The following TMEM132C variants were observed in gnomAD, a reference collection of about 807,000 sequenced individuals.
TMEM132C encodes the protein transmembrane protein 132C.
Under a neutral mutation model 61.4 loss-of-function variants are expected in TMEM132C, and 29 were observed. The ratio of observed to expected loss-of-function variants is 0.47; its 90% CI spans 0.35 to 0.64. TMEM132C has a LOEUF of 0.64. Among genes scored for constraint, TMEM132C ranks in the 30% least tolerant of loss-of-function variants. TMEM132C has a pLI of 0.00. For synonymous variants in TMEM132C, 656 were observed against 633.1 expected (o/e 1.04, Z -0.54); for missense variants, 1,408 against 1,476.9 (o/e 0.95, Z 0.76).
chr12:128,619,461 C>T (rs932056211), intron 4 of TMEM132C, among the ~76,000 whole-genome samples: 1 of 152,224 alleles, frequency 6.6e-6, no homozygotes. Flanking sequence ...ACCCTGCAGG[C>T]GGAAGCCACC....
At position 128,707,706 on chromosome 12, in the gene TMEM132C, C is replaced by G. The variant is rs975885904; in HGVS notation, c.*1411C>G. ...AGCCCTCATGCTCTCCGCAGGGGGG[C>G]GCTCACAAAGATGCCAGGGGTGTTT... On this transcript the variant is annotated 3_prime_UTR_variant, in exon 9 of 9. Transcript: ENST00000435159. 6.6e-6 allele frequency: 1 copy of G among 152,138 alleles called. No homozygotes were observed. 9.4% of individuals were successfully genotyped at this position (152,138 alleles called of 1,614,324 possible). A position where few individuals can be genotyped will look rare whatever the true frequency, so the allele number is the denominator to read the frequency against.
rs1565905372 is a variant in TMEM132C, at chr12:128,338,778, T to TATATATATATATATATATA, written c.85+71291_85+71292insATATATATATATATATATA. On this transcript the variant is annotated intron_variant, in intron 1 of 8. Coordinates refer to ENST00000435159, the MANE Select transcript of TMEM132C (RefSeq NM_001136103.3). ...CAGAAATATATATATATATATATAT[T>TATATATATATATATATATA]TTGCACAAAGATGAAATCCGTCCTA... Among the ~76,000 whole-genome samples, 49 of 129,492 alleles carry TATATATATATATATATATA rather than the reference T, an allele frequency of 3.8e-4. 1 individual carries two copies. The highest frequency in any genetic ancestry group is 2.0e-3 in the African/African-American group (48 of 23,994). 85.0% of individuals were successfully genotyped at this position (129,492 alleles called of 152,430 possible).
chr12:128,674,844 C>G (rs1313369330), intron 5 of TMEM132C, among the ~76,000 whole-genome samples: 1 of 151,900 alleles, frequency 6.6e-6, no homozygotes, highest in Non-Finnish European at 1.5e-5. Context: ...AAAATTCCCC[C>G]CAAGGCCCCA....
chr12:128,655,208 G>C (rs750861866), intron 4 of TMEM132C, among the ~76,000 whole-genome samples: 1 of 152,172 alleles, frequency 6.6e-6, no homozygotes, highest in Non-Finnish European at 1.5e-5. Flanking sequence ...GCAAGCCGGC[G>C]GTAACAGGGT....
At chr12:128,484,793 T>C (rs1871432450) in intron 2 of TMEM132C, among the ~76,000 whole-genome samples, 1 of 151,918 alleles carries the variant, frequency 6.6e-6, no homozygotes, top group Non-Finnish European at 1.5e-5. Flanking sequence ...TCCACCTCTA[T>C]ATAAAATTTT....
intron 1 of TMEM132C, among the ~76,000 whole-genome samples, chr12:128,306,463 A>G (rs983615422): frequency 2.8e-4 from 42 of 152,148 alleles, no homozygotes; most frequent in Admixed American, 2.0e-3. Context: ...CGGCCTCCCA[A>G]AGTGCTGGGA....
intron 1 of TMEM132C, among the ~76,000 whole-genome samples, chr12:128,361,455 C>T (rs1390319192): frequency 6.6e-6 from 1 of 152,068 alleles, no homozygotes; most frequent in East Asian, 1.9e-4. Context: ...TGACCCTTGC[C>T]ATCACATTAG....
chr12:128,357,692 C>G (rs1221881232), intron 1 of TMEM132C, among the ~76,000 whole-genome samples: 1 of 71,310 alleles, frequency 1.4e-5, no homozygotes, highest in South Asian at 4.8e-4. Flanking sequence ...GACTCCGTCT[C>G]AAAAAAAAAA....
At chr12:128,470,034 A>T (rs1870894936) in intron 2 of TMEM132C, among the ~76,000 whole-genome samples, 1 of 152,180 alleles carries the variant, frequency 6.6e-6, no homozygotes, top group Non-Finnish European at 1.5e-5. Flanking sequence ...ATGACTTACA[A>T]AAGACTTCAT....
intron 1 of TMEM132C, among the ~76,000 whole-genome samples, chr12:128,374,890 C>T (rs1411581420): frequency 6.8e-6 from 1 of 147,030 alleles, no homozygotes; most frequent in East Asian, 2.0e-4. Flanking sequence ...CACTGCACTC[C>T]AGCCTGGGCG....
chr12:128,412,813 A>G (rs1476844270), intron 1 of TMEM132C, among the ~76,000 whole-genome samples: 1 of 152,210 alleles, frequency 6.6e-6, no homozygotes, highest in Non-Finnish European at 1.5e-5. Context: ...AGAAGTTAGT[A>G]TACTCAGCCT....
intron 5 of TMEM132C, among the ~76,000 whole-genome samples, chr12:128,672,131 C>CT (rs1038754040): frequency 6.6e-6 from 1 of 151,548 alleles, no homozygotes. Context: ...AAATATTTTA[C>CT]TTTTTTTTAC....
chr12:128,300,229 C>T (rs890658511), intron 1 of TMEM132C, among the ~76,000 whole-genome samples: 4 of 152,078 alleles, frequency 2.6e-5, no homozygotes, highest in Non-Finnish European at 4.4e-5. Context: ...AAAGAGAAAC[C>T]GCTGTGATGA....
At chr12:128,599,444 G>A (rs1876089514) in intron 3 of TMEM132C, among the ~76,000 whole-genome samples, 1 of 152,192 alleles carries the variant, frequency 6.6e-6, no homozygotes, top group African/African-American at 2.4e-5. Context: ...TGATGGCCAG[G>A]GCACCTGGGC....
chr12:128,675,850 TAGA>T (rs1954579389), intron 5 of TMEM132C, among the ~76,000 whole-genome samples: 4 of 127,186 alleles, frequency 3.1e-5, no homozygotes, highest in African/African-American at 1.5e-4. Flanking sequence ...GATAGATAGA[TAGA>T]TAGATAGATA....
chr12:128,589,927 A>T (rs1192431717), intron 3 of TMEM132C, among the ~76,000 whole-genome samples: 1 of 152,178 alleles, frequency 6.6e-6, no homozygotes, highest in African/African-American at 2.4e-5. Context: ...ACTCTTATTC[A>T]TCATCATCGT....
intron 1 of TMEM132C, among the ~76,000 whole-genome samples, chr12:128,409,027 A>G (rs1241681819): frequency 6.6e-6 from 1 of 152,174 alleles, no homozygotes; most frequent in African/African-American, 2.4e-5. Context: ...TCCTCTCTCA[A>G]TATACGAATG....
At chr12:128,673,066 C>T (rs777985622) in intron 5 of TMEM132C, among the ~76,000 whole-genome samples, 5 of 152,158 alleles carry the variant, frequency 3.3e-5, no homozygotes, top group Non-Finnish European at 7.3e-5. Flanking sequence ...TGTAGTGGAT[C>T]GGGTTTCAGG....
chr12:128,668,250 A>G (rs1235627393), intron 4 of TMEM132C, among the ~76,000 whole-genome samples: 1 of 151,954 alleles, frequency 6.6e-6, no homozygotes, highest in Non-Finnish European at 1.5e-5. Flanking sequence ...CCCCATATCA[A>G]AAAAAAAGAA....
Sources: allele counts gnomAD v4.1 joint callset (sites outside exome capture counted in the v4.1 genomes callset), GRCh38; gene constraint gnomAD v4.1.1; transcripts MANE v1.5; gene names NCBI Gene and HGNC (gene_info 2026-07-23, HGNC 2026-07-21).